ADAM7: variants seen among roughly 807,000 people sequenced by gnomAD.
The protein encoded by ADAM7 is ADAM metallopeptidase domain 7, also known as disintegrin and metalloproteinase domain-containing protein 7.
ADAM7 carries 97 observed loss-of-function variants against 102.9 expected under a neutral mutation model. The observed-to-expected ratio is 0.94, with a 90% confidence interval of 0.80 to 1.12. The LOEUF (loss-of-function observed/expected upper bound fraction) is 1.12. ADAM7 is among the 50% of genes most tolerant of loss of function. ADAM7 has a pLI of 0.00. For synonymous variants in ADAM7, 334 were observed against 304.4 expected, an observed-to-expected ratio of 1.10 and a Z score of -1.01; for missense variants, 991 against 908.7, an observed-to-expected ratio of 1.09 and a Z score of -1.16.
intron 5 of ADAM7, 62 bp downstream of exon 5, chr8:24,465,837 A>C: frequency 7.4e-7 from 1 of 1,344,614 alleles, no homozygotes. Context: ...AAAGAAGTTA[A>C]CTTTGTTGAT....
At chr8:24,458,630 T>G (rs891891701) in intron 3 of ADAM7, among the ~76,000 whole-genome samples, 1 of 152,142 alleles carries the variant, frequency 6.6e-6, no homozygotes, top group Non-Finnish European at 1.5e-5. Flanking sequence ...TCTCTGATTA[T>G]TCTTTCTTTT....
At chr8:24,482,622 A>G (rs1455783350) in intron 9 of ADAM7, among the ~76,000 whole-genome samples, 1 of 152,002 alleles carries the variant, frequency 6.6e-6, no homozygotes, top group Non-Finnish European at 1.5e-5. Context: ...GGGGGCAAGC[A>G]CCCATGGTCC....
At chr8:24,474,358 TA>T (rs1444599189) in intron 7 of ADAM7, among the ~76,000 whole-genome samples, 9 of 152,174 alleles carry the variant, frequency 5.9e-5, no homozygotes, top group African/African-American at 7.2e-5. Context: ...AATAGGTTAT[TA>T]AAATTTTTAC....
chr8:24,485,299 G>A lies in ADAM7; in HGVS notation c.898G>A (p.Val300Met), dbSNP rs148851846. The A allele has an allele frequency of 2.3e-4, 371 of 1,613,470 alleles. 2 individuals are homozygous for A. The African/African-American group carries it at 4.4e-3, about 19-fold the overall frequency. The change falls in exon 10 of 22, where the codon GTG becomes ATG. Residue 300 changes from valine (V) to methionine (M), a missense_variant. Transcript: ENST00000175238. Reference protein sequence around the residue: ...LLSGKWLYSHVQGISYPGGMC... With the variant: ...LLSGKWLYSHMQGISYPGGMC... ...TAGTGGGAAGTGGCTCTACTCACATGTGCAAGGAATTTCTTATCCAGGGGG... is the reference window on the plus strand; with the variant it reads ...TAGTGGGAAGTGGCTCTACTCACATATGCAAGGAATTTCTTATCCAGGGGG...
Position 24,507,523 on chromosome 8 carries a change from A to G in ADAM7, c.2252A>G (p.Gln751Arg), listed in dbSNP as rs767396089. 1.1e-5 allele frequency: 18 copies of G among 1,612,418 alleles called. No homozygotes were observed. In the Admixed American group the frequency reaches 2.8e-4, roughly 25 times the overall value. ...TCAAGAGGAATCGCAGATCCCAATC[A>G]AAGTGCCAAGTGGTAGGTTACCCTG... ...KDSRGIADPN[Q>R]SAK The change falls in exon 21 of 22, where the codon CAA becomes CGA. Residue 751 changes from glutamine (Q) to arginine (R), a missense_variant. Coordinates refer to ENST00000175238, the MANE Select transcript of ADAM7 (RefSeq NM_003817.4).
intron 1 of ADAM7, among the ~76,000 whole-genome samples, chr8:24,441,407 G>T (rs1246465619): frequency 6.6e-6 from 1 of 152,212 alleles, no homozygotes. Flanking sequence ...CAGCATGGCA[G>T]GCACTGTGCT....
At chr8:24,463,268 T>TA (rs949029073) in intron 3 of ADAM7, among the ~76,000 whole-genome samples, 6 of 152,170 alleles carry the variant, frequency 3.9e-5, no homozygotes, top group African/African-American at 1.4e-4. Flanking sequence ...TGGCCATGGG[T>TA]AGTCCAAAAA....
intron 12 of ADAM7, 191 bp from the exon 13 acceptor site, chr8:24,490,608 C>T (rs1492400): frequency 2.5e-5 from 14 of 564,752 alleles, no homozygotes; most frequent in East Asian, 8.9e-5. Flanking sequence ...CCAAACAGCA[C>T]GAGAGAAGGA....
Position 24,492,984 on chromosome 8 carries a change from G to T in ADAM7, c.1656-59G>T, listed in dbSNP as rs2307043. ...GAGTGACCGGGAGGCTCCATTGCCAGCCTAGTCTCAAAAGTTGTATTTCTA... is the reference window on the plus strand; with the variant it reads ...GAGTGACCGGGAGGCTCCATTGCCATCCTAGTCTCAAAAGTTGTATTTCTA... On this transcript the variant is annotated intron_variant, in intron 15 of 21. Coordinates refer to ENST00000175238, the MANE Select transcript of ADAM7 (RefSeq NM_003817.4). 4,940 of 1,488,050 alleles carry T rather than the reference G, an allele frequency of 3.3e-3. 224 individuals carry two copies. The East Asian group carries it at 0.097, about 29-fold the overall frequency. 92.2% of individuals were successfully genotyped at this position (1,488,050 alleles called of 1,614,324 possible). A position where few individuals can be genotyped will look rare whatever the true frequency, so the allele number is the denominator to read the frequency against.
At chr8:24,453,235 T>C (rs1228874613) in intron 3 of ADAM7, among the ~76,000 whole-genome samples, 16 of 152,068 alleles carry the variant, frequency 1.1e-4, no homozygotes, top group Admixed American at 2.0e-4. Context: ...GGATAATATC[T>C]TGCAGAGTGT....
intron 6 of ADAM7, 55 bp from the exon 7 acceptor site, chr8:24,468,712 G>T: frequency 1.3e-6 from 2 of 1,502,826 alleles, no homozygotes; most frequent in South Asian, 2.3e-5. Flanking sequence ...CAACTTAAAG[G>T]GTTAAGATAG....
At chr8:24,480,826 G>A (rs1323393429) in intron 8 of ADAM7, among the ~76,000 whole-genome samples, 1 of 151,998 alleles carries the variant, frequency 6.6e-6, no homozygotes, top group Non-Finnish European at 1.5e-5. Context: ...GAATCACTGA[G>A]CCCAGGAGTT....
chr8:24,499,159 C>A, intron 16 of ADAM7, 77 bp from the exon 17 acceptor site: 1 of 1,122,456 alleles, frequency 8.9e-7, no homozygotes, highest in Non-Finnish European at 1.3e-6. Flanking sequence ...TTGTGCACTT[C>A]ACATGCATTA....
chr8:24,483,400 G>C (rs1563388621), intron 9 of ADAM7, among the ~76,000 whole-genome samples: 1 of 152,112 alleles, frequency 6.6e-6, no homozygotes, highest in Non-Finnish European at 1.5e-5. Context: ...TTAAAATAGT[G>C]CTCACTCTTC....
rs1213894146 is a variant in ADAM7 at position 24,493,181 on chromosome 8, T to C, written c.1794T>C (p.Ser598=). 1.2e-6 allele frequency: 2 copies of C among 1,612,962 alleles called. No individual in the cohort carries two copies. Among genetic ancestry groups the C allele is most frequent in the Admixed American group, 1.7e-5 (1 of 59,858 alleles). The change falls in exon 16 of 22, where the codon TCT becomes TCC. Residue 598 remains serine, a synonymous_variant. Transcript: ENST00000175238. ...KCKTIFLYHD[S]TDIGLVASGT... is the part of the protein sequence containing the mutation. Reference sequence around the variant, plus strand: ...AAACTATTTTTTTATACCATGATTCTACAGACATTGGCCTGGTGGCGTCAG... The same window carrying C: ...AAACTATTTTTTTATACCATGATTCCACAGACATTGGCCTGGTGGCGTCAG...
At chr8:24,476,328 G>T in intron 7 of ADAM7, 105 bp from the exon 8 acceptor site, 4 of 756,162 alleles carry the variant, frequency 5.3e-6, no homozygotes, top group Non-Finnish European at 8.2e-6. Flanking sequence ...TCTTCATTAG[G>T]CCAATGATTT....
intron 7 of ADAM7, among the ~76,000 whole-genome samples, chr8:24,470,381 G>C (rs1336143957): frequency 6.6e-6 from 1 of 151,942 alleles, no homozygotes; most frequent in East Asian, 1.9e-4. Context: ...AGTAAAGTGT[G>C]AGTATTAAAA....
intron 17 of ADAM7, 81 bp downstream of exon 17, chr8:24,499,397 T>C: frequency 3.9e-6 from 4 of 1,018,220 alleles, no homozygotes; most frequent in South Asian, 3.7e-5. Context: ...TGCATGTATA[T>C]GTATGTATAT....
rs758343247 is a variant in ADAM7 at position 24,499,265 on chromosome 8, G to C, written c.1872G>C (p.Met624Ile). 6.2e-7 allele frequency: 1 copy of C among 1,605,196 alleles called. No homozygotes were observed. The highest frequency in any genetic ancestry group is 1.1e-5 in the South Asian group (1 of 89,406). ...MVCNNGECLN[M>I]EKVYISTNCP... The stretch of plus-strand genomic sequence containing the variant: ...GCAACAATGGTGAATGTCTAAACAT[G>C]GAAAAGGTCTATATCTCAACCAATT... The change falls in exon 17 of 22, where the codon ATG becomes ATC. Residue 624 changes from methionine to isoleucine, a missense_variant. Transcript: ENST00000175238.
Sources: allele counts gnomAD v4.1 joint callset (sites outside exome capture counted in the v4.1 genomes callset), GRCh38; gene constraint gnomAD v4.1.1; transcripts MANE v1.5; gene names NCBI Gene and HGNC (gene_info 2026-07-23, HGNC 2026-07-21).